The following PRELID2 variants were observed in gnomAD, a reference collection of about 807,000 sequenced individuals.
PRELID2 encodes the protein PRELI domain containing 2, also known as PRELI domain-containing protein 2.
PRELID2 carries 25 observed loss-of-function variants against 28.4 expected under a neutral mutation model. That is an observed-to-expected ratio of 0.88 (90% CI 0.64 to 1.23). PRELID2 has a LOEUF of 1.23. Among genes scored for constraint, PRELID2 ranks in the 50% most tolerant of loss-of-function variants. PRELID2 has a pLI of 0.00. For synonymous variants in PRELID2, 76 were observed against 71.6 expected (o/e 1.06, Z -0.31); for missense variants, 201 against 214.4 (o/e 0.94, Z 0.39).
intron 4 of PRELID2, among the ~76,000 whole-genome samples, chr5:145,799,025 A>AATATATATAT (rs532556100): frequency 1.4e-4 from 20 of 148,016 alleles, no homozygotes; most frequent in East Asian, 3.9e-4. Context: ...AGTATAATAA[A>AATATATATAT]ATATATATAT....
chr5:145,694,483 A>T (rs919782160), intron 1 of PRELID2, among the ~76,000 whole-genome samples: 3 of 152,200 alleles, frequency 2.0e-5, no homozygotes, highest in Non-Finnish European at 4.4e-5. Flanking sequence ...CACCATGTTT[A>T]AAAAGATGTA....
the PRELID2 span, among the ~76,000 whole-genome samples, chr5:145,237,641 C>T: frequency 1.3e-5 from 2 of 152,072 alleles, no homozygotes; most frequent in Non-Finnish European, 2.9e-5. Flanking sequence ...GTGTTTTCCC[C>T]TGTATCCATC....
the PRELID2 span, among the ~76,000 whole-genome samples, chr5:145,301,735 T>A: frequency 6.6e-6 from 1 of 152,160 alleles, no homozygotes; most frequent in African/African-American, 2.4e-5. Flanking sequence ...GAAAGTACTT[T>A]TCCTTTCCTC....
At chr5:145,444,641 T>G in the PRELID2 span, among the ~76,000 whole-genome samples, 1 of 152,126 alleles carries the variant, frequency 6.6e-6, no homozygotes, top group Non-Finnish European at 1.5e-5. Flanking sequence ...CCCTCCCTTT[T>G]TTTGACTAAC....
chr5:145,323,190 AAAT>A, the PRELID2 span, among the ~76,000 whole-genome samples: 1 of 152,060 alleles, frequency 6.6e-6, no homozygotes, highest in Non-Finnish European at 1.5e-5. Flanking sequence ...AAAAAAAAAA[AAAT>A]ATGTGCAAAG....
At chr5:145,648,645 C>T (rs2116818) in intron 1 of PRELID2, among the ~76,000 whole-genome samples, 3,068 of 151,144 alleles carry the variant, frequency 0.02, 109 homozygotes, top group African/African-American at 0.071. Flanking sequence ...GTATTATCCT[C>T]CCTGGGGTTT....
intron 1 of PRELID2, among the ~76,000 whole-genome samples, chr5:145,641,588 T>C (rs887499730): frequency 6.6e-6 from 1 of 152,242 alleles, no homozygotes; most frequent in South Asian, 2.1e-4. Context: ...GGTATACACT[T>C]GCCATGGTGG....
At chr5:145,393,177 A>G in the PRELID2 span, among the ~76,000 whole-genome samples, 1 of 152,220 alleles carries the variant, frequency 6.6e-6, no homozygotes, top group Non-Finnish European at 1.5e-5. Context: ...ATAGAGAATG[A>G]CATTATCCAT....
At chr5:145,631,530 A>T (rs1434431953) in intron 1 of PRELID2, among the ~76,000 whole-genome samples, 1 of 152,168 alleles carries the variant, frequency 6.6e-6, no homozygotes, top group Non-Finnish European at 1.5e-5. Context: ...AGGTCATCAC[A>T]AAAAGTTATT....
intron 1 of PRELID2, among the ~76,000 whole-genome samples, chr5:145,504,611 G>A (rs1362655680): frequency 6.6e-6 from 1 of 152,050 alleles, no homozygotes; most frequent in Non-Finnish European, 1.5e-5. Flanking sequence ...TTGCCACAGG[G>A]AGACATACCT....
intron 1 of PRELID2, among the ~76,000 whole-genome samples, chr5:145,569,782 T>G (rs1188386385): frequency 1.3e-5 from 2 of 152,248 alleles, no homozygotes; most frequent in African/African-American, 4.8e-5. Context: ...TGCCCGACAC[T>G]GTACTAGGTG....
At chr5:145,788,184 T>C (rs1752127561) in intron 5 of PRELID2, among the ~76,000 whole-genome samples, 1 of 151,976 alleles carries the variant, frequency 6.6e-6, no homozygotes, top group Non-Finnish European at 1.5e-5. Context: ...ATATGAAGCC[T>C]TTCATGTGTC....
chr5:145,414,409 A>G, the PRELID2 span, among the ~76,000 whole-genome samples: 9 of 152,280 alleles, frequency 5.9e-5, no homozygotes, highest in South Asian at 1.2e-3. Context: ...AATCTGTCCC[A>G]TTGTCCAGCA....
chr5:145,282,613 G>T, the PRELID2 span, among the ~76,000 whole-genome samples: 1 of 151,454 alleles, frequency 6.6e-6, no homozygotes, highest in African/African-American at 2.4e-5. Context: ...ACCGTCTCCT[G>T]GTTTCAAGCG....
At chr5:145,541,155 A>C (rs1752741554) in intron 1 of PRELID2, among the ~76,000 whole-genome samples, 1 of 152,068 alleles carries the variant, frequency 6.6e-6, no homozygotes, top group Admixed American at 6.6e-5. Context: ...TTTTTATGCA[A>C]AATACAAAAG....
rs1190039207 is a variant in PRELID2 at position 145,757,239 on chromosome 5, T to G, written c.*3297A>C. ...ATAGAAAAAGAATACAGCACCTTTT[T>G]CATCCATATATGACTGAAACTATAA... On this transcript the variant is annotated 3_prime_UTR_variant, in exon 7 of 7. Coordinates refer to ENST00000683046, the MANE Select transcript of PRELID2 (RefSeq NM_205846.3). Among the ~76,000 whole-genome samples the G allele has an allele frequency of 6.6e-6, 1 of 152,226 alleles. No individual in the cohort carries two copies. The highest frequency in any genetic ancestry group is 2.4e-5 in the African/African-American group (1 of 41,462).
At chr5:145,736,476 G>T (rs1412962074) in intron 1 of PRELID2, among the ~76,000 whole-genome samples, 4 of 152,144 alleles carry the variant, frequency 2.6e-5, no homozygotes, top group African/African-American at 7.2e-5. Flanking sequence ...AATTACTTAA[G>T]ATTATATAAA....
chr5:145,545,086 A>G (rs887836986), intron 1 of PRELID2, among the ~76,000 whole-genome samples: 1 of 152,176 alleles, frequency 6.6e-6, no homozygotes, highest in African/African-American at 2.4e-5. Flanking sequence ...TCTTTTGTAA[A>G]TCAGGTCAAT....
chr5:145,552,806 C>T (rs963239767), intron 1 of PRELID2, among the ~76,000 whole-genome samples: 2 of 152,082 alleles, frequency 1.3e-5, no homozygotes, highest in African/African-American at 4.8e-5. Flanking sequence ...TGGTGCTTCC[C>T]AAAGAAGTAA....
Sources: gnomAD v4.1 joint callset for allele counts (sites outside exome capture counted in the v4.1 genomes callset) on GRCh38, gnomAD v4.1.1 for gene constraint, MANE v1.5 for transcripts, NCBI Gene and HGNC (gene_info 2026-07-23, HGNC 2026-07-21) for gene names.